The following KDM8 variants were observed in gnomAD, a reference collection of about 807,000 sequenced individuals.
The protein encoded by KDM8 is lysine demethylase 8.
A neutral mutation model predicts 46.9 loss-of-function variants in KDM8; 35 were observed. The observed-to-expected ratio is 0.75, with a 90% CI of 0.57 to 0.99. KDM8 has a LOEUF of 0.99. Among genes scored for constraint, KDM8 ranks in the 50% least tolerant of loss-of-function variants. The pLI is 0.00. For missense variants in KDM8, 475 were observed against 537.0 expected (o/e 0.88, Z 1.14); for synonymous variants, 232 against 227.7 (o/e 1.02, Z -0.17).
intron 6 of KDM8, among the ~76,000 whole-genome samples, chr16:27,219,954 C>G (rs550430188): frequency 1.8e-4 from 27 of 152,348 alleles, no homozygotes; most frequent in Non-Finnish European, 3.4e-4. Context: ...GTAGTTCACA[C>G]CTATAATCCC....
intron 6 of KDM8, among the ~76,000 whole-genome samples, chr16:27,219,634 C>G (rs552131384): frequency 6.6e-6 from 1 of 152,218 alleles, no homozygotes; most frequent in Admixed American, 6.5e-5. Flanking sequence ...GCAGACCAGT[C>G]CAGAGAGGCA....
At chr16:27,213,286 A>G in intron 2 of KDM8, 1 of 279,750 alleles carries the variant, frequency 3.6e-6, no homozygotes, top group Non-Finnish European at 6.8e-6. Flanking sequence ...AATAGGAATG[A>G]GAAGACCTTA....
chr16:27,219,847 G>A (rs1197113523), intron 6 of KDM8, among the ~76,000 whole-genome samples: 2 of 152,216 alleles, frequency 1.3e-5, no homozygotes, highest in Non-Finnish European at 2.9e-5. Context: ...CTTAAGCAGT[G>A]CCTGGCACAG....
chr16:27,209,661 C>T (rs2083461655), intron 1 of KDM8, among the ~76,000 whole-genome samples: 1 of 152,222 alleles, frequency 6.6e-6, no homozygotes. Context: ...GTTGGATAGA[C>T]ACACGTGTAA....
In KDM8 at chr16:27,214,973, G is replaced by T; in HGVS notation, c.763G>T (p.Val255Phe). Residue 255 changes from valine to phenylalanine, a missense_variant, in exon 4 of 8, where the codon GTC (valine) becomes TTC (phenylalanine). Physicochemically the swap from Val to Phe is conservative, Grantham distance 50. Transcript: ENST00000286096. Reference protein sequence around the residue: ...DEEWSQTLMTVNEFISKYIVN... With the variant: ...DEEWSQTLMTFNEFISKYIVN... ...GGAATGGTCCCAGACCCTCATGACG[G>T]TCAACGAGTTCATCAGCAAATACAT... 1 of 1,614,160 alleles carries T rather than the reference G, an allele frequency of 6.2e-7. No individual in the cohort carries two copies. The highest frequency in any genetic ancestry group is 8.5e-7 in the Non-Finnish European group (1 of 1,180,032).
intron 1 of KDM8, among the ~76,000 whole-genome samples, chr16:27,207,217 G>A (rs920563471): frequency 2.0e-5 from 3 of 152,192 alleles, no homozygotes; most frequent in African/African-American, 7.2e-5. Context: ...AGACCAGCCT[G>A]GCCAACATGG....
At chr16:27,206,564 C>T (rs7187753) in intron 1 of KDM8, among the ~76,000 whole-genome samples, 412 of 152,312 alleles carry the variant, frequency 2.7e-3, no homozygotes, top group African/African-American at 9.3e-3. Flanking sequence ...GAGCGATGCA[C>T]GTGGCCTTAA....
Position 27,214,920 on chromosome 16 carries a change from T to C in KDM8, c.710T>C (p.Val237Ala), listed in dbSNP as rs759263494. The change falls in exon 4 of 8, where the codon GTG becomes GCG. Residue 237 changes from valine to alanine, a missense_variant. Transcript: ENST00000286096. ...QEIAGCRTVP[V>A]EVGSRYTDEE... ...ATCGCTGGCTGCCGAACTGTCCCAG[T>C]GGAAGTTGGTTCGAGGTACACAGAT... The C allele has an allele frequency of 3.1e-6, 5 of 1,614,022 alleles. No homozygotes were observed. The Admixed American group carries it at 8.3e-5, about 27-fold the overall frequency.
At chr16:27,203,880 C>T in intron 1 of KDM8, 1 of 466,598 alleles carries the variant, frequency 2.1e-6, no homozygotes, top group Middle Eastern at 5.7e-4. Flanking sequence ...GTATGCTCGT[C>T]TCTTGGCAGT....
rs1567262870 is a variant in KDM8 at position 27,210,589 on chromosome 16, CG to C, written c.467del (p.Arg156LeufsTer19). On this transcript the variant is annotated frameshift_variant, in exon 2 of 8. Coordinates refer to ENST00000286096, the MANE Select transcript of KDM8 (RefSeq NM_024773.3). LOFTEE classifies it high-confidence loss of function. ...ACACCTCCCTGGAAAGAGGCCTGCC[CG>C]TGGCTCCCTCCCAGAGCAACCCTGC... ...QTHLPGKRPARGSLPEQPCTK... is the reference protein window; with the variant it reads ...QTHLPGKRPAXGSLPEQPCTK... The C allele has an allele frequency of 6.6e-7, 1 of 1,515,482 alleles. No individual in the cohort carries two copies. Among genetic ancestry groups the C allele is most frequent in the East Asian group, 2.3e-5 (1 of 43,924 alleles). The allele number at this position is 1,515,482 out of a possible 1,614,324, so 93.9% of individuals were successfully genotyped here.
At chr16:27,217,724 C>T (rs1173483480) in intron 5 of KDM8, among the ~76,000 whole-genome samples, 2 of 152,230 alleles carry the variant, frequency 1.3e-5, no homozygotes, top group East Asian at 1.9e-4. Flanking sequence ...TCACTGCTCC[C>T]GAAGGAATGG....
At chr16:27,206,233 A>G (rs1210902108) in intron 1 of KDM8, 1 of 983,188 alleles carries the variant, frequency 1.0e-6, no homozygotes, top group Non-Finnish European at 1.2e-6. Flanking sequence ...CCTCCTTTGG[A>G]AGCCTGTTTG....
At chr16:27,217,266 G>A (rs1286896389) in intron 5 of KDM8, among the ~76,000 whole-genome samples, 8 of 152,274 alleles carry the variant, frequency 5.3e-5, no homozygotes, top group Admixed American at 2.6e-4. Flanking sequence ...CAGGGACCCC[G>A]TGTTCTAGAA....
intron 1 of KDM8, among the ~76,000 whole-genome samples, chr16:27,205,684 A>T (rs2083421162): frequency 1.3e-5 from 2 of 152,200 alleles, no homozygotes. Flanking sequence ...CTAAAAATAG[A>T]AAAACTAGCC....
intron 1 of KDM8, among the ~76,000 whole-genome samples, chr16:27,207,855 G>C (rs2083442148): frequency 6.6e-6 from 1 of 152,204 alleles, no homozygotes; most frequent in Non-Finnish European, 1.5e-5. Flanking sequence ...GAGTAGCTGG[G>C]ATTATAGGTG....
intron 1 of KDM8, among the ~76,000 whole-genome samples, chr16:27,209,432 G>A (rs1459512107): frequency 1.3e-5 from 2 of 152,188 alleles, no homozygotes; most frequent in Admixed American, 1.3e-4. Context: ...TTGCCATGTT[G>A]GCCAGGCTGG....
chr16:27,203,990 G>A (rs2083401716), intron 1 of KDM8: 3 of 965,424 alleles, frequency 3.1e-6, no homozygotes, highest in Non-Finnish European at 4.6e-6. Context: ...GCCTGCGCGG[G>A]TTTTATACTC....
chr16:27,210,189 C>T lies in KDM8; in HGVS notation c.66C>T (p.Leu22=). ...LAREGTLWEA[L]RALLPHSKED... ...GAGAAGGCACTTTATGGGAGGCCCTCAGGGCGCTCCTGCCGCACAGTAAAG... is the reference window on the plus strand; with the variant it reads ...GAGAAGGCACTTTATGGGAGGCCCTTAGGGCGCTCCTGCCGCACAGTAAAG... The change falls in exon 2 of 8, where the codon CTC becomes CTT. Residue 22 remains leucine, a synonymous_variant. Transcript: ENST00000286096. 6.2e-7 allele frequency: 1 copy of T among 1,613,466 alleles called. No individual in the cohort carries two copies. The highest frequency in any genetic ancestry group is 2.2e-5 in the East Asian group (1 of 44,888).
chr16:27,214,972 G>A lies in KDM8; in HGVS notation c.762G>A (p.Thr254=), dbSNP rs369229157. The change falls in exon 4 of 8, where the codon ACG becomes ACA. Residue 254 remains threonine (T), a synonymous_variant. Transcript: ENST00000286096. ...TDEEWSQTLM[T]VNEFISKYIV... ...AGGAATGGTCCCAGACCCTCATGAC[G>A]GTCAACGAGTTCATCAGCAAATACA... 19 of 1,614,028 alleles carry A rather than the reference G, an allele frequency of 1.2e-5. No homozygotes were observed. The highest frequency in any genetic ancestry group is 6.7e-5 in the Admixed American group (4 of 59,996).
Sources: allele counts gnomAD v4.1 joint callset (sites outside exome capture counted in the v4.1 genomes callset), GRCh38; gene constraint gnomAD v4.1.1; transcripts MANE v1.5; gene names NCBI Gene and HGNC (gene_info 2026-07-23, HGNC 2026-07-21).